ASH1L: variants seen among roughly 807,000 people sequenced by gnomAD.
ASH1L encodes histone-lysine N-methyltransferase ASH1L.
A neutral mutation model predicts 269.0 loss-of-function variants in ASH1L; 23 were observed. That is an observed-to-expected ratio of 0.09 (90% CI 0.06 to 0.12). ASH1L has a LOEUF of 0.12. Among genes scored for constraint, ASH1L ranks in the 10% least tolerant of loss-of-function variants. The probability of loss-of-function intolerance (pLI) is 1.00; values close to 1 mark genes in which losing one functional copy is unlikely to be tolerated. For missense variants in ASH1L, 2,912 were observed against 3,567.8 expected (o/e 0.82, Z 4.68); for synonymous variants, 1,187 against 1,253.5 (o/e 0.95, Z 1.12).
At chr1:155,472,735 GC>G (rs2148705873) in intron 3 of ASH1L, among the ~76,000 whole-genome samples, 1 of 152,294 alleles carries the variant, frequency 6.6e-6, no homozygotes, top group African/African-American at 2.4e-5. Flanking sequence ...ACTAATTGTT[GC>G]CAGATGTTCT....
chr1:155,544,080 G>GCCTCAA, intron 1 of ASH1L, among the ~76,000 whole-genome samples: 1 of 151,940 alleles, frequency 6.6e-6, no homozygotes, highest in Admixed American at 6.6e-5. Context: ...CAAGCTACTG[G>GCCTCAA]GCTCAAGCAA....
chr1:155,551,276 CGGG>C (rs201056970), intron 1 of ASH1L, among the ~76,000 whole-genome samples: 1 of 151,442 alleles, frequency 6.6e-6, no homozygotes, highest in Admixed American at 6.6e-5. Context: ...ATCTTTTCCT[CGGG>C]GGGGAAAAAT....
In ASH1L at chr1:155,336,178, A is replaced by C. The variant is rs1174858806; in HGVS notation, c.*1482T>G. On this transcript the variant is annotated 3_prime_UTR_variant, in exon 28 of 28. Transcript: ENST00000392403. Reference sequence around the variant, plus strand: ...ACAGAAAGGGGAAAAAGGAAAAAATATTTAATGGAATGGAAGGTGGTCAAT... The same window carrying C: ...ACAGAAAGGGGAAAAAGGAAAAAATCTTTAATGGAATGGAAGGTGGTCAAT... 1 of 152,616 alleles carries C rather than the reference A, an allele frequency of 6.6e-6. No homozygotes were observed. The allele number at this position is 152,616 out of a possible 1,614,324, so 9.5% of individuals were successfully genotyped here.
chr1:155,434,489 A>C (rs1470261445), intron 5 of ASH1L, among the ~76,000 whole-genome samples: 1 of 150,082 alleles, frequency 6.7e-6, no homozygotes, highest in Non-Finnish European at 1.5e-5. Flanking sequence ...TTTTTTCTTA[A>C]GCCTGGGACA....
At chr1:155,452,126 C>T (rs923493979) in intron 4 of ASH1L, among the ~76,000 whole-genome samples, 3 of 151,200 alleles carry the variant, frequency 2.0e-5, no homozygotes, top group African/African-American at 7.3e-5. Context: ...GCAACCTCCA[C>T]CTCCTGGGTT....
At chr1:155,379,927 A>C in intron 8 of ASH1L, 116 bp downstream of exon 8, 1 of 721,618 alleles carries the variant, frequency 1.4e-6, no homozygotes, top group Non-Finnish European at 2.4e-6. Flanking sequence ...TCACAGGGAC[A>C]CTTCTGAAAA....
At chr1:155,463,792 T>TTAA (rs1053452588) in intron 3 of ASH1L, among the ~76,000 whole-genome samples, 213 of 151,696 alleles carry the variant, frequency 1.4e-3, no homozygotes, top group African/African-American at 4.4e-3. Flanking sequence ...GACCCTTGCC[T>TTAA]TAATAATAAT....
chr1:155,458,535 C>T (rs1035014612), intron 4 of ASH1L, among the ~76,000 whole-genome samples: 4 of 152,104 alleles, frequency 2.6e-5, no homozygotes, highest in Non-Finnish European at 5.9e-5. Flanking sequence ...GCCAACATGG[C>T]GAATTTTAGT....
At position 155,336,762 on chromosome 1, in the gene ASH1L, CAGTTTAT is replaced by C. The variant is rs1422882560; in HGVS notation, c.*891_*897del. On this transcript the variant is annotated 3_prime_UTR_variant, in exon 28 of 28. Coordinates refer to ENST00000392403, the MANE Select transcript of ASH1L (RefSeq NM_018489.3). ...ACTCTGATAGGTGAATACTGCTGAA[CAGTTTAT>C]GTAGTGACTTTTGTTGCAGGGGTGG... 1 of 152,274 alleles carries C rather than the reference CAGTTTAT, an allele frequency of 6.6e-6. No homozygotes were observed. Among genetic ancestry groups the C allele is most frequent in the African/African-American group, 2.4e-5 (1 of 41,442 alleles). 9.4% of individuals were successfully genotyped at this position (152,274 alleles called of 1,614,324 possible). A position where few individuals can be genotyped will look rare whatever the true frequency, so the allele number is the denominator to read the frequency against.
chr1:155,513,990 T>C (rs1157642121), intron 2 of ASH1L, among the ~76,000 whole-genome samples: 1 of 152,322 alleles, frequency 6.6e-6, no homozygotes, highest in South Asian at 2.1e-4. Context: ...AACTCTGACA[T>C]ACTCCAAGAT....
chr1:155,441,130 T>C (rs7549186), intron 4 of ASH1L, among the ~76,000 whole-genome samples: 2,705 of 152,334 alleles, frequency 0.018, 28 homozygotes, highest in Middle Eastern at 0.071. Flanking sequence ...TAATTCCTTG[T>C]GGGGCTATTA....
rs553581329 is a variant in ASH1L at position 155,401,471 on chromosome 1, C to A, written c.6009-5918G>T. On this transcript the variant is annotated intron_variant, in intron 6 of 27. Transcript: ENST00000392403. ...CCAGCCTGGGTGACACAGCAAGACTCCATCTCAAAAAAAAAAAAAAAAAAG... is the reference window on the plus strand; with the variant it reads ...CCAGCCTGGGTGACACAGCAAGACTACATCTCAAAAAAAAAAAAAAAAAAG... Among the ~76,000 whole-genome samples the A allele has an allele frequency of 7.1e-5, 10 of 141,384 alleles. No individual in the cohort carries two copies. The East Asian group carries it at 2.1e-3, about 30-fold the overall frequency. The allele number at this position is 141,384 out of a possible 152,430, so 92.8% of individuals were successfully genotyped here.
At chr1:155,467,973 C>T (rs1664813820) in intron 3 of ASH1L, among the ~76,000 whole-genome samples, 1 of 152,106 alleles carries the variant, frequency 6.6e-6, no homozygotes, top group Admixed American at 6.6e-5. Flanking sequence ...AACTACAGTA[C>T]ATTTGTCACA....
intron 12 of ASH1L, among the ~76,000 whole-genome samples, chr1:155,363,336 C>T (rs543611121): frequency 2.0e-5 from 3 of 152,104 alleles, no homozygotes; most frequent in South Asian, 2.1e-4. Flanking sequence ...AGTACAGTGG[C>T]GCAATCTCAG....
chr1:155,483,490 A>C (rs987590295), intron 2 of ASH1L, among the ~76,000 whole-genome samples: 1 of 152,156 alleles, frequency 6.6e-6, no homozygotes, highest in Non-Finnish European at 1.5e-5. Context: ...ATGAAAAGAC[A>C]AACAAACCAA....
intron 7 of ASH1L, among the ~76,000 whole-genome samples, chr1:155,388,863 G>A (rs1284559779): frequency 2.0e-5 from 3 of 151,482 alleles, no homozygotes; most frequent in Non-Finnish European, 2.9e-5. Flanking sequence ...ATGTACCACC[G>A]CACCCAGCAA....
chr1:155,360,446 A>AT (rs745726347), intron 12 of ASH1L, 37 bp from the exon 13 acceptor site: 139,807 of 1,078,164 alleles, frequency 0.13, 150 homozygotes, highest in South Asian at 0.16. Context: ...AAGGCTGGAA[A>AT]TTTTTTTTTT....
chr1:155,351,893 A>G (rs536301092), intron 17 of ASH1L, among the ~76,000 whole-genome samples: 1 of 151,938 alleles, frequency 6.6e-6, no homozygotes, highest in Non-Finnish European at 1.5e-5. Flanking sequence ...AAATAAATTA[A>G]TTACTATTAC....
chr1:155,478,980 C>T lies in ASH1L; in HGVS notation c.3890G>A (p.Arg1297His), dbSNP rs1665764647. 9 of 1,613,442 alleles carry T rather than the reference C, an allele frequency of 5.6e-6. No individual in the cohort carries two copies. Among genetic ancestry groups the T allele is most frequent in the Non-Finnish European group, 5.9e-6 (7 of 1,179,994 alleles). Reference sequence around the variant, plus strand: ...ATGAGTGATCCGAATTTCACTTAGGCGACTTATTAGTTCCTCCAGCTCTGC... The same window carrying T: ...ATGAGTGATCCGAATTTCACTTAGGTGACTTATTAGTTCCTCCAGCTCTGC... ...FIAELEELIS[R>H]LSEIRITHRS... The change falls in exon 3 of 28, where the codon CGC (arginine) becomes CAC (histidine). Residue 1297 changes from arginine to histidine, a missense_variant. Coordinates refer to ENST00000392403, the MANE Select transcript of ASH1L (RefSeq NM_018489.3). This position sits in a 1 kb window ranked among gnomAD's most constrained non-coding sequence, Gnocchi z 4.6.
Sources: allele counts gnomAD v4.1 joint callset (sites outside exome capture counted in the v4.1 genomes callset), GRCh38; gene constraint gnomAD v4.1.1; non-coding constraint Gnocchi (gnomAD v3.1); transcripts MANE v1.5; gene names NCBI Gene and HGNC (gene_info 2026-07-23, HGNC 2026-07-21).